XIAP: variants seen among roughly 807,000 people sequenced by gnomAD.
XIAP encodes X-linked inhibitor of apoptosis.
In XIAP, 3 loss-of-function variants were observed where a neutral mutation model predicts 33.1. The observed-to-expected ratio is 0.09, with a 90% CI of 0.04 to 0.23. The LOEUF (loss-of-function observed/expected upper bound fraction) is 0.23. Ranked by LOEUF, XIAP falls within the 10% of genes least tolerant of loss-of-function variation. The probability of loss-of-function intolerance (pLI) is 1.00; values close to 1 mark genes in which losing one functional copy is unlikely to be tolerated. For synonymous variants in XIAP, 98 were observed against 121.3 expected, an observed-to-expected ratio of 0.81 and a Z score of 1.26; for missense variants, 264 against 363.0, an observed-to-expected ratio of 0.73 and a Z score of 2.22.
chrX:123,885,690 A>C lies in XIAP; in HGVS notation c.28A>C (p.Lys10Gln). The C allele has an allele frequency of 8.3e-7, 1 of 1,210,926 alleles. No individual in the cohort carries two copies. Among genetic ancestry groups the C allele is most frequent in the Non-Finnish European group, 1.1e-6 (1 of 895,078 alleles). Residue 10 changes from lysine to glutamine, a missense_variant, in exon 2 of 7, where the codon AAA (lysine) becomes CAA (glutamine). Coordinates refer to ENST00000371199, the MANE Select transcript of XIAP (RefSeq NM_001167.4). The part of the protein sequence containing the change: MTFNSFEGS[K>Q]TCVPADINKE... ...GACTTTTAACAGTTTTGAAGGATCT[A>C]AAACTTGTGTACCTGCAGACATCAA...
At position 123,891,823 on chromosome X, in the gene XIAP, TAA is replaced by T. The variant is rs11325824; in HGVS notation, c.1056+527_1056+528del. On this transcript the variant is annotated intron_variant, in intron 4 of 6. Coordinates refer to ENST00000371199, the MANE Select transcript of XIAP (RefSeq NM_001167.4). ...AGTGAGAAAGGGAAACCCTATCTCT[TAA>T]AAAAAAAAAAAAAAAAAAAGAGAGA... 4.0e-3 allele frequency among the ~76,000 whole-genome samples: 305 copies of T among 76,456 alleles called. 2 individuals carry two copies. Among genetic ancestry groups the T allele is most frequent in the African/African-American group, 0.013 (265 of 19,891 alleles). The allele number at this position is 76,456 out of a possible 115,157, so 66.4% of individuals were successfully genotyped here.
intron 1 of XIAP, among the ~76,000 whole-genome samples, chrX:123,870,885 A>G (rs2053187494): frequency 8.9e-6 from 1 of 112,095 alleles, no homozygotes. Context: ...ACTTGAGGCC[A>G]GGAGTTCAAG....
chrX:123,864,465 T>G (rs1021838417), intron 1 of XIAP, among the ~76,000 whole-genome samples: 1 of 88,741 alleles, frequency 1.1e-5, no homozygotes, highest in South Asian at 5.8e-4. Context: ...GTTTTTTTTT[T>G]TTTTTTTTTT....
rs1180880177 is a variant in XIAP, at chrX:123,912,219, A to AAAT, written c.*5040_*5041insTAA. 6 of 293,761 alleles carry AAAT rather than the reference A, an allele frequency of 2.0e-5. No individual in the cohort carries two copies. The highest frequency in any genetic ancestry group is 3.7e-5 in the Non-Finnish European group (6 of 160,417). The allele number at this position is 293,761 out of a possible 1,213,427, so 24.2% of individuals were successfully genotyped here. On this transcript the variant is annotated 3_prime_UTR_variant, in exon 7 of 7. Transcript: ENST00000371199. Reference sequence around the variant, plus strand: ...AAGGAGGAATTGAAAACACTGAGAAAAAAAAAAAAGACCACACAATAAAAA... The same window carrying AAAT: ...AAGGAGGAATTGAAAACACTGAGAAAAATAAAAAAAAAGACCACACAATAAAAA...
chrX:123,912,369 T>C lies in XIAP; in HGVS notation c.*5188T>C. The C allele has an allele frequency of 3.1e-6, 1 of 321,904 alleles. No individual in the cohort carries two copies. Among genetic ancestry groups the C allele is most frequent in the Non-Finnish European group, 5.9e-6 (1 of 168,183 alleles). The allele number at this position is 321,904 out of a possible 1,213,427, so 26.5% of individuals were successfully genotyped here. A position where few individuals can be genotyped will look rare whatever the true frequency, so the allele number is the denominator to read the frequency against. On this transcript the variant is annotated 3_prime_UTR_variant, in exon 7 of 7. Coordinates refer to ENST00000371199, the MANE Select transcript of XIAP (RefSeq NM_001167.4). Reference sequence around the variant, plus strand: ...AATGCAAAAAAAAAAAAAGCAATTATTTTTAAACCAACCTAATATATTGTA... The same window carrying C: ...AATGCAAAAAAAAAAAAAGCAATTACTTTTAAACCAACCTAATATATTGTA...
intron 1 of XIAP, among the ~76,000 whole-genome samples, chrX:123,883,946 G>A (rs765644884): frequency 5.4e-5 from 6 of 111,978 alleles, no homozygotes; most frequent in East Asian, 2.8e-4. Flanking sequence ...ATGTTGGAAT[G>A]TTTTCAGACA....
Position 123,892,770 on chromosome X carries a change from A to G in XIAP, c.1096A>G (p.Ile366Val), listed in dbSNP as rs766720607. The G allele has an allele frequency of 3.5e-5, 41 of 1,183,294 alleles. No individual in the cohort carries two copies. In the South Asian group the frequency reaches 5.5e-4, roughly 16 times the overall value. Residue 366 changes from isoleucine to valine, a missense_variant, in exon 5 of 7, where the codon ATT (isoleucine) becomes GTT (valine). By Grantham distance (29) the Ile-to-Val change is conservative (BLOSUM62 3). Coordinates refer to ENST00000371199, the MANE Select transcript of XIAP (RefSeq NM_001167.4). ...TEKTPSLTRR[I>V]DDTIFQNPMV... ...GAAAACACCATCACTAACTAGAAGA[A>G]TTGGTAAATATGCTTGTTAACTATC...
intron 1 of XIAP, among the ~76,000 whole-genome samples, chrX:123,883,476 TTTTTC>T (rs1348793505): frequency 1.0e-5 from 1 of 99,163 alleles, no homozygotes; most frequent in Non-Finnish European, 2.0e-5. Context: ...AGCCTTGGTT[TTTTTC>T]TTTTCTTTTC....
At chrX:123,873,403 G>C (rs1475520744) in intron 1 of XIAP, among the ~76,000 whole-genome samples, 1 of 107,399 alleles carries the variant, frequency 9.3e-6, no homozygotes, top group South Asian at 4.1e-4. Context: ...CAAACACCTG[G>C]GCTCAAGCAG....
chrX:123,870,686 G>A (rs1185323985), intron 1 of XIAP, among the ~76,000 whole-genome samples: 1 of 111,479 alleles, frequency 9.0e-6, no homozygotes, highest in Non-Finnish European at 1.9e-5. Context: ...TCCTCAGGAG[G>A]CTGAGGTGGT....
chrX:123,861,273 C>G (rs1016902915), intron 1 of XIAP, among the ~76,000 whole-genome samples: 6 of 111,780 alleles, frequency 5.4e-5, no homozygotes, highest in Non-Finnish European at 1.1e-4. Flanking sequence ...ACCACTCTTA[C>G]TGCGCAATTG....
rs2053508019 is a variant in XIAP, at chrX:123,900,706, GT to G, written c.1300+18del. The G allele has an allele frequency of 8.3e-7, 1 of 1,201,933 alleles. No homozygotes were observed. The highest frequency in any genetic ancestry group is 1.8e-5 in the African/African-American group (1 of 57,066). The stretch of plus-strand genomic sequence containing the variant: ...TCATTACAGAAAGGTATGCATTGCT[GT>G]TTTTAAAAAGCAAGAAAGGGCCAGA... On this transcript the variant is annotated intron_variant, in intron 6 of 6. Coordinates refer to ENST00000371199, the MANE Select transcript of XIAP (RefSeq NM_001167.4).
intron 1 of XIAP, among the ~76,000 whole-genome samples, chrX:123,875,777 C>T (rs925190623): frequency 9.1e-6 from 1 of 110,476 alleles, no homozygotes; most frequent in Non-Finnish European, 1.9e-5. Flanking sequence ...CCTCTGCCTC[C>T]CAGGTTCAAG....
chrX:123,900,161 G>T (rs1308105692), intron 5 of XIAP, among the ~76,000 whole-genome samples: 1 of 111,843 alleles, frequency 8.9e-6, no homozygotes, highest in Non-Finnish European at 1.9e-5. Flanking sequence ...AGTAACTTAG[G>T]TTAATTGTTA....
chrX:123,904,588 T>C (rs2053543752), intron 6 of XIAP, among the ~76,000 whole-genome samples: 1 of 108,583 alleles, frequency 9.2e-6, no homozygotes, highest in South Asian at 4.3e-4. Flanking sequence ...TATCTACTCC[T>C]GGTGCTGGTA....
At chrX:123,864,489 C>T (rs757065075) in intron 1 of XIAP, among the ~76,000 whole-genome samples, 16 of 72,119 alleles carry the variant, frequency 2.2e-4, no homozygotes, top group African/African-American at 8.7e-4. Flanking sequence ...TTTGAGACGA[C>T]GGAGTCTGGC....
chrX:123,871,148 G>T (rs1419033722), intron 1 of XIAP, among the ~76,000 whole-genome samples: 2 of 110,771 alleles, frequency 1.8e-5, no homozygotes, highest in African/African-American at 6.6e-5. Flanking sequence ...TCACCATGTT[G>T]GCCAGGGTGG....
In XIAP at chrX:123,908,657, A is replaced by C. The variant is rs1286765580; in HGVS notation, c.*1476A>C. On this transcript the variant is annotated 3_prime_UTR_variant, in exon 7 of 7. Coordinates refer to ENST00000371199, the MANE Select transcript of XIAP (RefSeq NM_001167.4). Reference sequence around the variant, plus strand: ...TGTTTTCTTGGCTAGTAATAGTAGTAGATACTTCTGAAATAAATGTTCTCT... The same window carrying C: ...TGTTTTCTTGGCTAGTAATAGTAGTCGATACTTCTGAAATAAATGTTCTCT... The C allele has an allele frequency of 2.8e-6, 1 of 358,989 alleles. No individual in the cohort carries two copies. Among genetic ancestry groups the C allele is most frequent in the Admixed American group, 3.0e-5 (1 of 32,790 alleles). The allele number at this position is 358,989 out of a possible 1,213,427, so 29.6% of individuals were successfully genotyped here.
At chrX:123,889,889 T>G (rs2053388484) in intron 3 of XIAP, among the ~76,000 whole-genome samples, 1 of 110,145 alleles carries the variant, frequency 9.1e-6, no homozygotes, top group Non-Finnish European at 1.9e-5. Context: ...TAGGCTCTTT[T>G]ATGATCAGCG....
Sources: gnomAD v4.1 joint callset for allele counts (sites outside exome capture counted in the v4.1 genomes callset) on GRCh38, gnomAD v4.1.1 for gene constraint, MANE v1.5 for transcripts, NCBI Gene and HGNC (gene_info 2026-07-23, HGNC 2026-07-21) for gene names.